CAMTA1: variants seen among roughly 807,000 people sequenced by gnomAD.
The protein encoded by CAMTA1 is calmodulin-binding transcription activator 1.
Under a neutral mutation model 170.9 loss-of-function variants are expected in CAMTA1, and 27 were observed. The ratio of observed to expected loss-of-function variants is 0.16; its 90% CI spans 0.12 to 0.22. CAMTA1 has a LOEUF of 0.22. Ranked by LOEUF, CAMTA1 falls within the 10% of genes least tolerant of loss-of-function variation. The pLI, the probability that CAMTA1 is intolerant of heterozygous loss-of-function variation, is 1.00. For synonymous variants in CAMTA1, 833 were observed against 891.5 expected, an observed-to-expected ratio of 0.93 and a Z score of 1.17; for missense variants, 1,619 against 2,217.2, an observed-to-expected ratio of 0.73 and a Z score of 5.42.
chr1:7,630,199 AC>A (rs1409502891), intron 6 of CAMTA1, among the ~76,000 whole-genome samples: 1 of 150,678 alleles, frequency 6.6e-6, no homozygotes, highest in East Asian at 2.0e-4. Context: ...GGATGGCTTG[AC>A]CCCCCTCTCA....
intron 6 of CAMTA1, among the ~76,000 whole-genome samples, chr1:7,481,464 C>T (rs183861528): frequency 1.3e-5 from 2 of 152,300 alleles, no homozygotes; most frequent in African/African-American, 4.8e-5. Context: ...CACTAAGATT[C>T]AGGTCTCCTT....
At chr1:7,360,556 T>C (rs1289332868) in intron 5 of CAMTA1, among the ~76,000 whole-genome samples, 1 of 152,226 alleles carries the variant, frequency 6.6e-6, no homozygotes, top group African/African-American at 2.4e-5. Context: ...GATTGATTGA[T>C]CTGGGATCAA....
chr1:7,702,907 A>G (rs924465996), intron 11 of CAMTA1, among the ~76,000 whole-genome samples: 2 of 152,142 alleles, frequency 1.3e-5, no homozygotes, highest in Non-Finnish European at 2.9e-5. Context: ...GATTGAATGT[A>G]CATCAGTGCC....
chr1:7,257,969 G>C (rs756753731), intron 5 of CAMTA1, among the ~76,000 whole-genome samples: 4 of 152,180 alleles, frequency 2.6e-5, no homozygotes, highest in Admixed American at 6.5e-5. Flanking sequence ...GGCCATTGCT[G>C]AGGAGAAGAC....
rs2149517555 is a variant in CAMTA1, at chr1:7,463,006, G to A, written c.439-4824G>A. The stretch of plus-strand genomic sequence containing the variant: ...GGGACCTGAGCTGGACTCCAGCTGA[G>A]CGGGGTCTTCGGAGGCAGCACAGGG... On this transcript the variant is annotated intron_variant, in intron 5 of 22. Transcript: ENST00000303635. The surrounding 1 kb of genome is among the most constrained non-coding windows in gnomAD (Gnocchi z 4.7). Among the ~76,000 whole-genome samples, 1 of 152,356 alleles carries A rather than the reference G, an allele frequency of 6.6e-6. No homozygotes were observed. Among genetic ancestry groups the A allele is most frequent in the Non-Finnish European group, 1.5e-5 (1 of 68,042 alleles).
chr1:7,108,666 G>T (rs1322591424), intron 4 of CAMTA1, among the ~76,000 whole-genome samples: 1 of 152,218 alleles, frequency 6.6e-6, no homozygotes, highest in Non-Finnish European at 1.5e-5. Flanking sequence ...GTCAAATGCT[G>T]CATGGGAAGC....
At chr1:7,221,849 C>T (rs886376400) in intron 4 of CAMTA1, among the ~76,000 whole-genome samples, 1 of 152,008 alleles carries the variant, frequency 6.6e-6, no homozygotes, top group Admixed American at 6.5e-5. Context: ...TGGTGACTGC[C>T]TTGTGCCATG....
intron 5 of CAMTA1, among the ~76,000 whole-genome samples, chr1:7,328,846 C>G (rs935241706): frequency 7.2e-5 from 11 of 152,136 alleles, no homozygotes; most frequent in Non-Finnish European, 1.2e-4. Flanking sequence ...ATCATACTTT[C>G]ATTTTCCTCC....
rs1266500407 is a variant in CAMTA1, at chr1:7,455,972, G to A, written c.439-11858G>A. Among the ~76,000 whole-genome samples the A allele has an allele frequency of 3.3e-5, 5 of 152,174 alleles. No individual in the cohort carries two copies. Among genetic ancestry groups the A allele is most frequent in the Non-Finnish European group, 1.5e-5 (1 of 68,034 alleles). On this transcript the variant is annotated intron_variant, in intron 5 of 22. Coordinates refer to ENST00000303635, the MANE Select transcript of CAMTA1 (RefSeq NM_015215.4). The surrounding 1 kb of genome is among the most constrained non-coding windows in gnomAD (Gnocchi z 5.0). ...GTACAGCCTGAGCCTCCTTACCAAG[G>A]CTCAGGGTCCCACCGTTGGTCATCC... is the stretch of plus-strand genomic sequence containing the variant.
intron 3 of CAMTA1, among the ~76,000 whole-genome samples, chr1:6,892,285 A>G (rs1674669529): frequency 6.6e-6 from 1 of 152,186 alleles, no homozygotes. Flanking sequence ...TTGTGAGTTC[A>G]TCTCATCCTC....
intron 3 of CAMTA1, among the ~76,000 whole-genome samples, chr1:6,854,641 G>A (rs937176023): frequency 1.2e-4 from 18 of 152,282 alleles, no homozygotes; most frequent in Middle Eastern, 6.8e-3. Flanking sequence ...TTGATTTATA[G>A]AGTAAATCTC....
intron 5 of CAMTA1, among the ~76,000 whole-genome samples, chr1:7,439,440 G>T (rs1480884036): frequency 6.6e-6 from 1 of 152,114 alleles, no homozygotes; most frequent in African/African-American, 2.4e-5. Flanking sequence ...ACGTCTCCCG[G>T]TCCAGCCCCC....
In CAMTA1 at chr1:6,952,051, G is replaced by T. The variant is rs569384823; in HGVS notation, c.234+126841G>T. Among the ~76,000 whole-genome samples, 114 of 152,292 alleles carry T rather than the reference G, an allele frequency of 7.5e-4. 3 individuals are homozygous for T. The South Asian group carries it at 0.02, about 26-fold the overall frequency. Reference sequence around the variant, plus strand: ...GTCCCACTCTGCCAGCCTGCCGTCTGCATCCCACTGTGCCTTCTGTCAATG... The same window carrying T: ...GTCCCACTCTGCCAGCCTGCCGTCTTCATCCCACTGTGCCTTCTGTCAATG... On this transcript the variant is annotated intron_variant, in intron 3 of 22. Transcript: ENST00000303635.
At chr1:7,236,901 C>G (rs1663981073) in intron 4 of CAMTA1, among the ~76,000 whole-genome samples, 1 of 152,242 alleles carries the variant, frequency 6.6e-6, no homozygotes, top group African/African-American at 2.4e-5. Flanking sequence ...CATTTTCCAA[C>G]TGCCCACTGG....
At chr1:7,389,105 TGTCAGA>T (rs1264708990) in intron 5 of CAMTA1, among the ~76,000 whole-genome samples, 1 of 152,220 alleles carries the variant, frequency 6.6e-6, no homozygotes, top group Non-Finnish European at 1.5e-5. Context: ...TGGCTCTGAC[TGTCAGA>T]GTCACTCTGC....
intron 4 of CAMTA1, among the ~76,000 whole-genome samples, chr1:7,128,831 CTTTTTTTTT>C (rs34180837): frequency 1.6e-5 from 1 of 61,320 alleles, no homozygotes; most frequent in African/African-American, 7.5e-5. Context: ...GCTCCCCCTC[CTTTTTTTTT>C]TTTTTTTTTT....
At chr1:7,275,857 A>G (rs538615041) in intron 5 of CAMTA1, among the ~76,000 whole-genome samples, 1 of 152,316 alleles carries the variant, frequency 6.6e-6, no homozygotes, top group East Asian at 1.9e-4. Flanking sequence ...AAACATTTTC[A>G]GAAAATATAG....
chr1:7,173,900 G>A lies in CAMTA1; in HGVS notation c.303-75591G>A, dbSNP rs137886125. Among the ~76,000 whole-genome samples, 41 of 152,062 alleles carry A rather than the reference G, an allele frequency of 2.7e-4. No individual in the cohort carries two copies. The East Asian group carries it at 7.2e-3, about 27-fold the overall frequency. On this transcript the variant is annotated intron_variant, in intron 4 of 22. Coordinates refer to ENST00000303635, the MANE Select transcript of CAMTA1 (RefSeq NM_015215.4). The surrounding 1 kb of genome is among the most constrained non-coding windows in gnomAD (Gnocchi z 5.4). Reference sequence around the variant, plus strand: ...CAGGGGACCCACAGGGACTCAACAGGACCCAGCAGGTACCAACAAAACCTA... The same window carrying A: ...CAGGGGACCCACAGGGACTCAACAGAACCCAGCAGGTACCAACAAAACCTA...
In CAMTA1 at chr1:7,327,433, G is replaced by A. The variant is rs376975815; in HGVS notation, c.438+77807G>A. On this transcript the variant is annotated intron_variant, in intron 5 of 22. Transcript: ENST00000303635. ...AAAAAAAAAAAAAAAAAAGAAAAAA[G>A]ACCAGGAGGAAAGAAATGGGAGACA... 4.9e-3 allele frequency among the ~76,000 whole-genome samples: 726 copies of A among 147,372 alleles called. 6 individuals carry two copies. Among genetic ancestry groups the A allele is most frequent in the African/African-American group, 0.016 (647 of 39,740 alleles).
Sources: gnomAD v4.1 joint callset for allele counts (sites outside exome capture counted in the v4.1 genomes callset) on GRCh38, gnomAD v4.1.1 for gene constraint, Gnocchi (gnomAD v3.1) non-coding constraint, MANE v1.5 for transcripts, NCBI Gene and HGNC (gene_info 2026-07-23, HGNC 2026-07-21) for gene names.